Variants in ARHGAP26 observed in about 807,000 individuals in gnomAD.
The protein encoded by ARHGAP26 is rho GTPase-activating protein 26.
A neutral mutation model predicts 104.8 loss-of-function variants in ARHGAP26; 38 were observed. That is an observed-to-expected ratio of 0.36 (90% CI 0.28 to 0.48). ARHGAP26 has a LOEUF of 0.48. Among genes scored for constraint, ARHGAP26 ranks in the 20% least tolerant of loss-of-function variants. ARHGAP26 has a pLI of 0.99. For synonymous variants in ARHGAP26, 341 were observed against 340.0 expected (o/e 1.00, Z -0.03); for missense variants, 704 against 947.9 (o/e 0.74, Z 3.38).
intron 10 of ARHGAP26, among the ~76,000 whole-genome samples, chr5:142,929,505 G>A (rs190147089): frequency 1.3e-5 from 2 of 152,266 alleles, no homozygotes; most frequent in Admixed American, 6.5e-5. Flanking sequence ...AATAAAGATA[G>A]TTCACCCTTT....
At chr5:143,052,644 G>A (rs1426914942) in intron 14 of ARHGAP26, among the ~76,000 whole-genome samples, 3 of 152,118 alleles carry the variant, frequency 2.0e-5, no homozygotes, top group East Asian at 3.9e-4. Flanking sequence ...AACCCAGTAT[G>A]TGTCAGGGGA....
chr5:143,134,047 C>T lies in ARHGAP26; in HGVS notation c.1779C>T (p.Pro593=). 6.2e-7 allele frequency: 1 copy of T among 1,612,932 alleles called. No individual in the cohort carries two copies. The change falls in exon 19 of 23, where the codon CCC becomes CCT. Residue 593 remains proline, a synonymous_variant. Coordinates refer to ENST00000645722, the MANE Select transcript of ARHGAP26 (RefSeq NM_001135608.3). ...GGAAGAAGAGCAGTGACTCCAAGCC[C>T]CCGTCCTGCAGCGAGAGGCCCCTGA... ...LSRKKSSDSK[P]PSCSERPLTL...
chr5:143,045,263 C>T (rs246659), intron 14 of ARHGAP26, among the ~76,000 whole-genome samples: 2,629 of 152,294 alleles, frequency 0.017, 33 homozygotes, highest in Non-Finnish European at 0.027. Flanking sequence ...CTGCCTCTGC[C>T]AGGAGGACAT....
intron 20 of ARHGAP26, among the ~76,000 whole-genome samples, chr5:143,161,158 C>T (rs982634642): frequency 1.3e-5 from 2 of 151,866 alleles, no homozygotes; most frequent in East Asian, 1.9e-4. Flanking sequence ...ATTACAGGCA[C>T]GCAGCACCAC....
At chr5:142,831,643 C>T (rs1768455886) in intron 1 of ARHGAP26, among the ~76,000 whole-genome samples, 1 of 151,938 alleles carries the variant, frequency 6.6e-6, no homozygotes, top group Admixed American at 6.6e-5. Flanking sequence ...CTTCCTCCTC[C>T]AAACCCTCCT....
intron 15 of ARHGAP26, 22 bp downstream of exon 15, chr5:143,054,548 G>T: frequency 6.5e-7 from 1 of 1,539,006 alleles, no homozygotes; most frequent in Non-Finnish European, 8.9e-7. Context: ...CCATTTGCAA[G>T]GCAGAGTGCC....
intron 1 of ARHGAP26, among the ~76,000 whole-genome samples, chr5:142,774,414 C>T: frequency 7.0e-6 from 1 of 142,544 alleles, no homozygotes; most frequent in South Asian, 2.2e-4. Flanking sequence ...CATTAATGGA[C>T]TTTTTTTTTT....
chr5:142,810,244 T>G (rs997223226), intron 1 of ARHGAP26, among the ~76,000 whole-genome samples: 1 of 152,174 alleles, frequency 6.6e-6, no homozygotes, highest in African/African-American at 2.4e-5. Context: ...TCATTGTGTG[T>G]TGTTGTTGGA....
chr5:142,809,790 T>G (rs528121787), intron 1 of ARHGAP26, among the ~76,000 whole-genome samples: 6 of 152,246 alleles, frequency 3.9e-5, no homozygotes, highest in Non-Finnish European at 7.3e-5. Flanking sequence ...ATTCATCCAC[T>G]TAGTGGCTCA....
chr5:143,215,963 A>G (rs1346918402), intron 22 of ARHGAP26, among the ~76,000 whole-genome samples: 2 of 152,044 alleles, frequency 1.3e-5, no homozygotes, highest in Admixed American at 1.3e-4. Flanking sequence ...TCTCTTGGGG[A>G]TATACCTAGG....
intron 11 of ARHGAP26, among the ~76,000 whole-genome samples, chr5:142,979,156 G>A (rs1318700149): frequency 6.6e-6 from 1 of 152,160 alleles, no homozygotes. Flanking sequence ...ATAATACCAT[G>A]GTGAAGATGA....
At chr5:143,038,684 C>CTTTTTTTTTT (rs60428049) in intron 13 of ARHGAP26, among the ~76,000 whole-genome samples, 1 of 64,384 alleles carries the variant, frequency 1.6e-5, no homozygotes, top group Non-Finnish European at 2.6e-5. Context: ...GACATACGGC[C>CTTTTTTTTTT]TTTTTTTTTT....
intron 20 of ARHGAP26, chr5:143,170,036 A>G (rs1310333084): frequency 6.6e-6 from 1 of 152,220 alleles, no homozygotes; most frequent in Non-Finnish European, 1.5e-5. Flanking sequence ...CCCTGGACAC[A>G]GTTGATTCAT....
At chr5:143,116,584 TGG>T in intron 17 of ARHGAP26, among the ~76,000 whole-genome samples, 1 of 152,332 alleles carries the variant, frequency 6.6e-6, no homozygotes, top group East Asian at 1.9e-4. Context: ...TATGACAGCC[TGG>T]GGGTCTCTGC....
chr5:143,011,593 C>T (rs10875598), intron 11 of ARHGAP26, among the ~76,000 whole-genome samples: 115,271 of 151,996 alleles, frequency 0.76, 44,617 homozygotes, highest in Middle Eastern at 0.84. Context: ...TATGCCCTTC[C>T]TCAATAGCCA....
chr5:142,953,280 A>G (rs1232646318), intron 11 of ARHGAP26, among the ~76,000 whole-genome samples: 2 of 152,068 alleles, frequency 1.3e-5, no homozygotes, highest in African/African-American at 4.8e-5. Flanking sequence ...TGTACCAGCC[A>G]CTCTATAGGT....
intron 17 of ARHGAP26, among the ~76,000 whole-genome samples, chr5:143,096,771 G>A (rs1792382037): frequency 6.6e-6 from 1 of 151,642 alleles, no homozygotes; most frequent in African/African-American, 2.4e-5. Flanking sequence ...AGATTCATGC[G>A]AAGCATCACA....
At chr5:143,131,207 G>A (rs183855400) in intron 18 of ARHGAP26, among the ~76,000 whole-genome samples, 70 of 152,300 alleles carry the variant, frequency 4.6e-4, no homozygotes, top group African/African-American at 1.5e-3. Context: ...TGTCTTGGAA[G>A]CAATTTTTCA....
intron 17 of ARHGAP26, among the ~76,000 whole-genome samples, chr5:143,063,724 A>G (rs943907529): frequency 6.6e-6 from 1 of 152,152 alleles, no homozygotes; most frequent in Non-Finnish European, 1.5e-5. Context: ...GCCCCTCCCC[A>G]GCCTCTGCCT....
Sources: gnomAD v4.1 joint callset for allele counts (sites outside exome capture counted in the v4.1 genomes callset) on GRCh38, gnomAD v4.1.1 for gene constraint, MANE v1.5 for transcripts, NCBI Gene and HGNC (gene_info 2026-07-23, HGNC 2026-07-21) for gene names.